OSBPL6: variants seen among roughly 807,000 people sequenced by gnomAD.
OSBPL6 encodes the protein oxysterol-binding protein-related protein 6.
OSBPL6 carries 49 observed loss-of-function variants against 125.8 expected under a neutral mutation model. The observed-to-expected ratio is 0.39, with a 90% CI of 0.31 to 0.49. The LOEUF (loss-of-function observed/expected upper bound fraction) is 0.49. Among genes scored for constraint, OSBPL6 ranks in the 20% least tolerant of loss-of-function variants. The pLI is 0.88. For missense variants in OSBPL6, 986 were observed against 1,135.4 expected (o/e 0.87, Z 1.89); for synonymous variants, 394 against 391.8 (o/e 1.01, Z -0.07).
At chr2:178,276,899 C>A (rs993038241) in intron 1 of OSBPL6, among the ~76,000 whole-genome samples, 17 of 151,504 alleles carry the variant, frequency 1.1e-4, no homozygotes, top group Admixed American at 1.1e-3. Context: ...CAGCTGGATT[C>A]TCTGCTAGGC....
At chr2:178,324,748 TA>T (rs1473260897) in intron 4 of OSBPL6, among the ~76,000 whole-genome samples, 20 of 152,224 alleles carry the variant, frequency 1.3e-4, no homozygotes, top group Non-Finnish European at 2.2e-4. Context: ...ATTTTACAAA[TA>T]TGGAAACTGA....
intron 1 of OSBPL6, among the ~76,000 whole-genome samples, chr2:178,238,610 A>T (rs10445767): frequency 0.16 from 24,144 of 152,186 alleles, 2,425 homozygotes; most frequent in South Asian, 0.23. Flanking sequence ...AAGAAGGAAA[A>T]AAAAATTCCT....
rs544369097 is a variant in OSBPL6, at chr2:178,335,063, T to C, written c.658-1238T>C. On this transcript the variant is annotated intron_variant, in intron 8 of 24. Coordinates refer to ENST00000190611, the MANE Select transcript of OSBPL6 (RefSeq NM_032523.4). Reference sequence around the variant, plus strand: ...GCAGACTGAATCCTAGATTTAGTCCTTGTTAAATGAGAAATGTATTCCAAA... The same window carrying C: ...GCAGACTGAATCCTAGATTTAGTCCCTGTTAAATGAGAAATGTATTCCAAA... Among the ~76,000 whole-genome samples, 5 of 152,296 alleles carry C rather than the reference T, an allele frequency of 3.3e-5. No individual in the cohort carries two copies. The South Asian group carries it at 6.2e-4, about 19-fold the overall frequency.
At chr2:178,369,172 A>G (rs1693143112) in intron 13 of OSBPL6, among the ~76,000 whole-genome samples, 1 of 152,224 alleles carries the variant, frequency 6.6e-6, no homozygotes, top group Non-Finnish European at 1.5e-5. Flanking sequence ...CATCAATGGA[A>G]GAGAGAACAG....
intron 1 of OSBPL6, among the ~76,000 whole-genome samples, chr2:178,198,348 G>A (rs2089028410): frequency 6.6e-6 from 1 of 151,982 alleles, no homozygotes; most frequent in East Asian, 1.9e-4. Context: ...TGTCGCCCAG[G>A]CTGGAATGCA....
At chr2:178,306,383 A>C (rs994463851) in intron 3 of OSBPL6, 97 bp downstream of exon 3, 1 of 764,522 alleles carries the variant, frequency 1.3e-6, no homozygotes, top group African/African-American at 1.7e-5. Flanking sequence ...ATTTTGTTGT[A>C]AAGTCTTTTA....
chr2:178,226,020 C>T (rs1455110446), intron 1 of OSBPL6, among the ~76,000 whole-genome samples: 1 of 152,134 alleles, frequency 6.6e-6, no homozygotes, highest in Non-Finnish European at 1.5e-5. Context: ...CAAAGGAAGG[C>T]AAAGCAGCCC....
Position 178,397,705 on chromosome 2 carries a change from G to A in OSBPL6, c.*2146G>A, listed in dbSNP as rs1560870. 57,150 of 152,082 alleles carry A rather than the reference G, an allele frequency of 0.38. 11,663 individuals carry two copies. The highest frequency in any genetic ancestry group is 0.62 in the East Asian group (3,188 of 5,162). The allele number at this position is 152,082 out of a possible 1,614,324, so 9.4% of individuals were successfully genotyped here. A position where few individuals can be genotyped will look rare whatever the true frequency, so the allele number is the denominator to read the frequency against. On this transcript the variant is annotated 3_prime_UTR_variant, in exon 25 of 25. Transcript: ENST00000190611. ...AGGGAGCAGCAGCTGACCATCAGATGTGGTATCAGGTAGCTGGAAGAGGAT... is the reference window on the plus strand; with the variant it reads ...AGGGAGCAGCAGCTGACCATCAGATATGGTATCAGGTAGCTGGAAGAGGAT...
chr2:178,206,536 A>G lies in OSBPL6; in HGVS notation c.-351+11862A>G, dbSNP rs557870895. On this transcript the variant is annotated intron_variant, in intron 1 of 24. Coordinates refer to ENST00000190611, the MANE Select transcript of OSBPL6 (RefSeq NM_032523.4). The stretch of plus-strand genomic sequence containing the variant: ...TTTGATTTATGTTGAATCACTTACC[A>G]TAGGGTTTAGTTTACTTACTAAAGG... Among the ~76,000 whole-genome samples, 8 of 152,362 alleles carry G rather than the reference A, an allele frequency of 5.3e-5. No homozygotes were observed. In the East Asian group the frequency reaches 1.5e-3, roughly 29 times the overall value.
intron 3 of OSBPL6, among the ~76,000 whole-genome samples, chr2:178,317,910 C>CATGTTCCAG (rs1687903451): frequency 6.6e-6 from 1 of 152,146 alleles, no homozygotes; most frequent in East Asian, 1.9e-4. Flanking sequence ...AGCGTTAGCT[C>CATGTTCCAG]TTGATATGCC....
chr2:178,242,964 A>G (rs1337581940), intron 1 of OSBPL6, among the ~76,000 whole-genome samples: 1 of 151,848 alleles, frequency 6.6e-6, no homozygotes, highest in Admixed American at 6.6e-5. Flanking sequence ...TTTATTTATA[A>G]CATATATTTA....
chr2:178,331,477 C>T (rs1689189686), intron 5 of OSBPL6, 75 bp from the exon 6 acceptor site: 7 of 1,464,322 alleles, frequency 4.8e-6, no homozygotes, highest in South Asian at 1.1e-5. Context: ...TGCCAAGCAA[C>T]ATTAGACCCA....
rs151293687 is a variant in OSBPL6, at chr2:178,244,936, C to T, written c.-350-39991C>T. ...TAAGTTACAGATGGTATATTATCTC[C>T]GTAATAAAAAGATTTTGATTGAATG... On this transcript the variant is annotated intron_variant, in intron 1 of 24. Transcript: ENST00000190611. Among the ~76,000 whole-genome samples, 949 of 152,234 alleles carry T rather than the reference C, an allele frequency of 6.2e-3. 8 individuals are homozygous for T. The highest frequency in any genetic ancestry group is 0.021 in the African/African-American group (891 of 41,526).
At chr2:178,382,815 A>G (rs1194119044) in intron 16 of OSBPL6, 1 of 1,399,718 alleles carries the variant, frequency 7.1e-7, no homozygotes. Context: ...ATTTGAGTGT[A>G]TCTAATGCCT....
chr2:178,258,798 C>G (rs1399450737), intron 1 of OSBPL6, among the ~76,000 whole-genome samples: 1 of 150,830 alleles, frequency 6.6e-6, no homozygotes, highest in Non-Finnish European at 1.5e-5. Flanking sequence ...TTTGCTTGTT[C>G]TTGAACTTCT....
intron 3 of OSBPL6, chr2:178,320,333 T>A: frequency 6.2e-7 from 1 of 1,612,874 alleles, no homozygotes. Flanking sequence ...CAGTGAAATA[T>A]GTGTTCCAGG....
intron 2 of OSBPL6, among the ~76,000 whole-genome samples, chr2:178,302,163 C>A (rs1686352669): frequency 6.6e-6 from 1 of 152,098 alleles, no homozygotes; most frequent in Non-Finnish European, 1.5e-5. Flanking sequence ...TTATGCCACT[C>A]AATGAAAATG....
At chr2:178,239,012 C>T (rs977788539) in intron 1 of OSBPL6, among the ~76,000 whole-genome samples, 1 of 152,164 alleles carries the variant, frequency 6.6e-6, no homozygotes, top group Non-Finnish European at 1.5e-5. Flanking sequence ...GCCTTTCAAT[C>T]GTCTATGTGA....
intron 1 of OSBPL6, among the ~76,000 whole-genome samples, chr2:178,267,226 T>C (rs333986): frequency 0.88 from 134,044 of 151,816 alleles, 60,278 homozygotes; most frequent in Non-Finnish European, 0.97. Flanking sequence ...TGGTGGCTTG[T>C]GTGTGTAGTC....
Sources: allele counts gnomAD v4.1 joint callset (sites outside exome capture counted in the v4.1 genomes callset), GRCh38; gene constraint gnomAD v4.1.1; transcripts MANE v1.5; gene names NCBI Gene and HGNC (gene_info 2026-07-23, HGNC 2026-07-21).